Variants in NIPBL observed in about 807,000 individuals in gnomAD.
NIPBL encodes NIPBL cohesin loading factor, also known as nipped-B-like protein.
A neutral mutation model predicts 321.8 loss-of-function variants in NIPBL; 19 were observed. The ratio of observed to expected loss-of-function variants is 0.06; its 90% CI spans 0.04 to 0.09. The LOEUF (loss-of-function observed/expected upper bound fraction) is 0.09. Among genes scored for constraint, NIPBL ranks in the 10% least tolerant of loss-of-function variants. NIPBL has a pLI of 1.00. For synonymous variants in NIPBL, 1,106 were observed against 1,114.1 expected, an observed-to-expected ratio of 0.99 and a Z score of 0.14; for missense variants, 2,210 against 3,327.0, an observed-to-expected ratio of 0.66 and a Z score of 8.26.
intron 11 of NIPBL, 129 bp from the exon 12 acceptor site, chr5:37,000,243 AC>A: frequency 1.2e-6 from 1 of 843,330 alleles, no homozygotes; most frequent in Non-Finnish European, 1.9e-6. Flanking sequence ...TTCTGGATAG[AC>A]AAAATCACTG....
At chr5:37,032,379 A>G (rs1167771462) in intron 32 of NIPBL, among the ~76,000 whole-genome samples, 4 of 140,520 alleles carry the variant, frequency 2.8e-5, no homozygotes, top group South Asian at 2.3e-4. Flanking sequence ...ATATGCATAC[A>G]TGTATACGTG....
At chr5:36,952,047 TGTGTGTGCGCGCGC>T (rs1392421288) in intron 1 of NIPBL, among the ~76,000 whole-genome samples, 5 of 115,986 alleles carry the variant, frequency 4.3e-5, no homozygotes, top group Non-Finnish European at 9.7e-5. Context: ...TGTGTGTGTG[TGTGTGTGCGCGCGC>T]GCGCGCGCGC....
chr5:36,903,192 T>C (rs1230245733), intron 1 of NIPBL, among the ~76,000 whole-genome samples: 3 of 152,204 alleles, frequency 2.0e-5, no homozygotes, highest in South Asian at 2.1e-4. Context: ...TTTCTAGGAA[T>C]AGGATCATTA....
At chr5:36,885,930 A>C (rs1317533593) in intron 1 of NIPBL, 7 of 736,190 alleles carry the variant, frequency 9.5e-6, no homozygotes, top group Non-Finnish European at 1.7e-5. Flanking sequence ...CCCAAATCTC[A>C]GGACCTCGCC....
intron 11 of NIPBL, 48 bp downstream of exon 11, chr5:36,995,852 G>A: frequency 2.0e-6 from 3 of 1,522,976 alleles, no homozygotes; most frequent in Non-Finnish European, 1.8e-6. Flanking sequence ...TTAAAAGCAG[G>A]TTGATGTGTT....
intron 17 of NIPBL, among the ~76,000 whole-genome samples, chr5:37,007,050 T>G (rs1747520795): frequency 6.6e-6 from 1 of 151,942 alleles, no homozygotes; most frequent in Middle Eastern, 3.2e-3. Flanking sequence ...ATAATCTTAC[T>G]ATCCTGCTCC....
chr5:37,064,562 G>A lies in NIPBL; in HGVS notation c.8085G>A (p.Thr2695=), dbSNP rs201036501. ...GGTCAAAACGAAATTCAGACTCTAC[G>A]GAGTTGGCAGCACAGATGAATGAAA... ...LRRSKRNSDS[T]ELAAQMNESV... is the part of the protein sequence containing the mutation. The change falls in exon 47 of 47, where the codon ACG becomes ACA. Residue 2695 remains threonine, a synonymous_variant. Transcript: ENST00000282516. 4.9e-5 allele frequency: 79 copies of A among 1,613,988 alleles called. 1 individual carries two copies. The East Asian group carries it at 4.9e-4, about 10-fold the overall frequency.
chr5:37,018,995 A>T (rs1749317631), intron 24 of NIPBL, among the ~76,000 whole-genome samples: 1 of 151,970 alleles, frequency 6.6e-6, no homozygotes, highest in African/African-American at 2.4e-5. Flanking sequence ...CCCAGCTACT[A>T]GGGAGGCTGA....
intron 32 of NIPBL, among the ~76,000 whole-genome samples, chr5:37,032,423 G>GTA (rs1751158559): frequency 1.3e-5 from 2 of 148,624 alleles, no homozygotes; most frequent in South Asian, 4.2e-4. Flanking sequence ...GTGTGTGTGT[G>GTA]TGTGTGTGTG....
Position 36,921,006 on chromosome 5 carries a change from G to A in NIPBL, c.-79-32612G>A, listed in dbSNP as rs293770. Among the ~76,000 whole-genome samples the A allele has an allele frequency of 4.4e-4, 66 of 150,810 alleles. 1 individual carries two copies. The East Asian group carries it at 0.012, about 28-fold the overall frequency. On this transcript the variant is annotated intron_variant, in intron 1 of 46. Transcript: ENST00000282516. Reference sequence around the variant, plus strand: ...GTACTATAAATTACATTTTACCATGGGTTAGGTTTACCTATCTTCAAAAAA... The same window carrying A: ...GTACTATAAATTACATTTTACCATGAGTTAGGTTTACCTATCTTCAAAAAA...
rs371347218 is a variant in NIPBL at position 37,060,886 on chromosome 5, T to C, written c.7728T>C (p.Tyr2576=). Residue 2576 remains tyrosine (Y), a synonymous_variant, in exon 45 of 47, where the codon TAT becomes TAC. Coordinates refer to ENST00000282516, the MANE Select transcript of NIPBL (RefSeq NM_133433.4). ...CTCCATCTGAATCTGCAAAAGTATA[T>C]GATAAAGCGATAAACCGAAAAACAG... The part of the protein sequence containing the change: ...KYSPSESAKV[Y]DKAINRKTGV... 87 of 1,614,080 alleles carry C rather than the reference T, an allele frequency of 5.4e-5. No homozygotes were observed. The African/African-American group carries it at 9.7e-4, about 18-fold the overall frequency.
At chr5:37,029,236 T>G (rs1750673049) in intron 32 of NIPBL, among the ~76,000 whole-genome samples, 1 of 152,334 alleles carries the variant, frequency 6.6e-6, no homozygotes. Context: ...CTTTTTGCAG[T>G]TGATCCTCTC....
chr5:37,000,678 T>TG lies in NIPBL; in HGVS notation c.3502+108_3502+109insG. The TG allele has an allele frequency of 5.2e-6, 7 of 1,345,366 alleles. No individual in the cohort carries two copies. In the South Asian group the frequency reaches 7.5e-5, roughly 14 times the overall value. The allele number at this position is 1,345,366 out of a possible 1,614,324, so 83.3% of individuals were successfully genotyped here. Reference sequence around the variant, plus strand: ...TTATGAGTTAATAACTAATTTTCAATTAAGACAAAAATACTTAGTTTCTAT... The same window carrying TG: ...TTATGAGTTAATAACTAATTTTCAATGTAAGACAAAAATACTTAGTTTCTAT... On this transcript the variant is annotated intron_variant, in intron 12 of 46. Transcript: ENST00000282516.
chr5:37,006,639 A>T, intron 17 of NIPBL, 51 bp downstream of exon 17: 1 of 1,192,736 alleles, frequency 8.4e-7, no homozygotes, highest in Non-Finnish European at 1.2e-6. Flanking sequence ...ATGTTAGATG[A>T]GTCAAAATAG....
chr5:37,019,536 A>G lies in NIPBL; in HGVS notation c.5010+136A>G. 3 of 692,704 alleles carry G rather than the reference A, an allele frequency of 4.3e-6. No homozygotes were observed. In the South Asian group the frequency reaches 4.6e-5, roughly 11 times the overall value. 42.9% of individuals were successfully genotyped at this position (692,704 alleles called of 1,614,324 possible). A position where few individuals can be genotyped will look rare whatever the true frequency, so the allele number is the denominator to read the frequency against. ...GATTTTCAAAACAAAGGGATACTTGATAATCTAAACAGAAAAGAATGCTTT... is the reference window on the plus strand; with the variant it reads ...GATTTTCAAAACAAAGGGATACTTGGTAATCTAAACAGAAAAGAATGCTTT... On this transcript the variant is annotated intron_variant, in intron 25 of 46. Transcript: ENST00000282516.
At chr5:37,000,627 A>G in intron 12 of NIPBL, 57 bp downstream of exon 12, 1 of 1,534,414 alleles carries the variant, frequency 6.5e-7, no homozygotes, top group Non-Finnish European at 9.0e-7. Context: ...TTAGGGCTTT[A>G]ACTTTGAAGA....
intron 6 of NIPBL, among the ~76,000 whole-genome samples, chr5:36,963,642 A>C (rs1741879099): frequency 6.6e-6 from 1 of 152,006 alleles, no homozygotes; most frequent in Admixed American, 6.6e-5. Flanking sequence ...TCTCTACAAA[A>C]AAAAAAAAAA....
chr5:36,990,164 G>GT (rs1189081112), intron 10 of NIPBL, among the ~76,000 whole-genome samples: 16 of 152,174 alleles, frequency 1.1e-4, no homozygotes, highest in Non-Finnish European at 2.2e-4. Context: ...CACTGGGAAT[G>GT]TATCTAGCAG....
rs1401363485 is a variant in NIPBL, at chr5:37,048,512, T to C, written c.6600T>C (p.Phe2200=). The change falls in exon 39 of 47, where the codon TTT becomes TTC. Residue 2200 remains phenylalanine, a synonymous_variant. Transcript: ENST00000282516. ...TKAIIGLGFA[F]IQHPSLMFEQ... ...TCCCCTCTCCCATAGGATTTGCCTTTATTCAGCATCCAAGTCTAATGTTCG... is the reference window on the plus strand; with the variant it reads ...TCCCCTCTCCCATAGGATTTGCCTTCATTCAGCATCCAAGTCTAATGTTCG... 6.3e-7 allele frequency: 1 copy of C among 1,575,668 alleles called. No homozygotes were observed. Among genetic ancestry groups the C allele is most frequent in the Non-Finnish European group, 8.6e-7 (1 of 1,160,652 alleles).
Sources: gnomAD v4.1 joint callset for allele counts (sites outside exome capture counted in the v4.1 genomes callset) on GRCh38, gnomAD v4.1.1 for gene constraint, MANE v1.5 for transcripts, NCBI Gene and HGNC (gene_info 2026-07-23, HGNC 2026-07-21) for gene names.